ACSBG2: variants seen among roughly 807,000 people sequenced by gnomAD.
ACSBG2 encodes long-chain-fatty-acid--CoA ligase ACSBG2.
In ACSBG2, 62 loss-of-function variants were observed where a neutral mutation model predicts 74.7. That is an observed-to-expected ratio of 0.83 (90% CI 0.68 to 1.03). The LOEUF (loss-of-function observed/expected upper bound fraction) is 1.03. Ranked by LOEUF, ACSBG2 falls within the 50% of genes least tolerant of loss-of-function variation. ACSBG2 has a pLI of 0.00. For missense variants in ACSBG2, 730 were observed against 817.6 expected (o/e 0.89, Z 1.31); for synonymous variants, 309 against 294.1 (o/e 1.05, Z -0.52).
chr19:6,185,582 G>C lies in ACSBG2; in HGVS notation c.1469G>C (p.Gly490Ala), dbSNP rs745317349. 3.1e-6 allele frequency: 5 copies of C among 1,614,078 alleles called. No homozygotes were observed. The African/African-American group carries it at 6.7e-5, about 22-fold the overall frequency. ...ACTACAGAGGCCATCGATGATGAAG[G>C]CTGGCTACACTCTGGGGATCTGGGC... is the stretch of plus-strand genomic sequence containing the variant. ...TETTEAIDDEGWLHSGDLGQL... is the reference protein window; with the variant it reads ...TETTEAIDDEAWLHSGDLGQL... Residue 490 changes from glycine (G) to alanine (A), a missense_variant, in exon 11 of 15, where the codon GGC (glycine) becomes GCC (alanine). Gly to Ala is a moderately conservative substitution (Grantham distance 60, BLOSUM62 0). Transcript: ENST00000588485.
In ACSBG2 at chr19:6,182,210, T is replaced by A. The variant is rs200139285; in HGVS notation, c.907-541T>A. 1.4e-3 allele frequency among the ~76,000 whole-genome samples: 208 copies of A among 145,842 alleles called. No individual in the cohort carries two copies. The East Asian group carries it at 0.026, about 18-fold the overall frequency. On this transcript the variant is annotated intron_variant, in intron 8 of 14. Transcript: ENST00000588485. ...TAAAGTCAGCTTGTCAATTTGTATT[T>A]AAAAAAAAAAAAACTTGCCTAGATT... is the stretch of plus-strand genomic sequence containing the variant.
chr19:6,146,409 G>A lies in ACSBG2; in HGVS notation c.68-1037G>A, dbSNP rs184974113. ...CGCTTGAACCTGGGAGGTGTAGGTC[G>A]GGGTGAGCCAAGATCACGCCACTGC... is the stretch of plus-strand genomic sequence containing the variant. On this transcript the variant is annotated intron_variant, in intron 2 of 14. Transcript: ENST00000588485. 4.7e-5 allele frequency among the ~76,000 whole-genome samples: 7 copies of A among 148,350 alleles called. No individual in the cohort carries two copies. In the East Asian group the frequency reaches 1.0e-3, roughly 21 times the overall value.
At position 6,147,676 on chromosome 19, in the gene ACSBG2, G is replaced by A. The variant is rs755720445; in HGVS notation, c.297+1G>A. The A allele has an allele frequency of 1.2e-6, 2 of 1,611,252 alleles. No individual in the cohort carries two copies. The highest frequency in any genetic ancestry group is 1.7e-6 in the Non-Finnish European group (2 of 1,177,370). ...GAAGGCTGCAAAATCCTTGATCAAG[G>A]TAAGATTCATTCATTCATTCTCCTT... On this transcript the variant is annotated splice_donor_variant, in intron 3 of 14. Coordinates refer to ENST00000588485, the MANE Select transcript of ACSBG2 (RefSeq NM_030924.5). LOFTEE classifies it high-confidence loss of function.
chr19:6,191,218 G>A (rs920744741), intron 14 of ACSBG2: 1 of 152,266 alleles, frequency 6.6e-6, no homozygotes, highest in East Asian at 1.9e-4. Flanking sequence ...ATGACACCAT[G>A]AATCACTGAT....
chr19:6,187,710 C>A lies in ACSBG2; in HGVS notation c.1792C>A (p.Gln598Lys), dbSNP rs1370504899. 1 of 1,614,166 alleles carries A rather than the reference C, an allele frequency of 6.2e-7. No individual in the cohort carries two copies. The highest frequency in any genetic ancestry group is 1.7e-5 in the Admixed American group (1 of 60,016). The part of the protein sequence containing the change: ...QASTVTEIVK[Q>K]QDPLVYKAIQ... ...ATCCACCGTGACTGAGATTGTGAAG[C>A]AGCAAGACCCCCTGGTCTACAAGGC... Residue 598 changes from glutamine (Q) to lysine (K), a missense_variant, in exon 13 of 15, where the codon CAG becomes AAG. Transcript: ENST00000588485.
chr19:6,160,609 T>A (rs898155654), intron 5 of ACSBG2: 7 of 152,110 alleles, frequency 4.6e-5, no homozygotes, highest in African/African-American at 1.4e-4. Flanking sequence ...TTCTTTTAGC[T>A]CATCAACCAA....
rs191053316 is a variant in ACSBG2, at chr19:6,183,324, G to C, written c.1322+52G>C. On this transcript the variant is annotated intron_variant, in intron 10 of 14. Transcript: ENST00000588485. ...CTCCTCCCATAACATGGGGTCAAGA[G>C]GGGGAAGGTGGGTGGATAGATGGGC... is the stretch of plus-strand genomic sequence containing the variant. 3.1e-4 allele frequency: 464 copies of C among 1,521,044 alleles called. 1 individual carries two copies. The highest frequency in any genetic ancestry group is 1.1e-3 in the Middle Eastern group (6 of 5,670). 94.2% of individuals were successfully genotyped at this position (1,521,044 alleles called of 1,614,324 possible).
intron 4 of ACSBG2, among the ~76,000 whole-genome samples, chr19:6,153,703 C>A (rs1020200560): frequency 6.6e-6 from 1 of 151,978 alleles, no homozygotes; most frequent in Non-Finnish European, 1.5e-5. Context: ...TTAAAATTAG[C>A]CAGGCATGGT....
chr19:6,183,553 A>C (rs1296015194), intron 10 of ACSBG2, among the ~76,000 whole-genome samples: 1 of 152,050 alleles, frequency 6.6e-6, no homozygotes, highest in Non-Finnish European at 1.5e-5. Context: ...TGACCTCAGC[A>C]CCTTTCATCC....
chr19:6,161,409 G>A, intron 6 of ACSBG2, 114 bp downstream of exon 6: 1 of 964,304 alleles, frequency 1.0e-6, no homozygotes. Flanking sequence ...GGCAAGGGTG[G>A]GAACTCTCAA....
At chr19:6,169,189 T>C (rs759870917) in intron 7 of ACSBG2, among the ~76,000 whole-genome samples, 39 of 152,260 alleles carry the variant, frequency 2.6e-4, no homozygotes, top group Non-Finnish European at 5.0e-4. Flanking sequence ...TAAGTCCCAA[T>C]TGTCCATGTT....
At chr19:6,154,918 C>T (rs924368252) in intron 4 of ACSBG2, among the ~76,000 whole-genome samples, 1 of 152,140 alleles carries the variant, frequency 6.6e-6, no homozygotes, top group South Asian at 2.1e-4. Flanking sequence ...AAATTCAAAT[C>T]TTGGGTTGTC....
At chr19:6,189,688 G>A (rs1600143671) in intron 13 of ACSBG2, 3 of 151,868 alleles carry the variant, frequency 2.0e-5, no homozygotes, top group Admixed American at 6.6e-5. Flanking sequence ...GCCACCATGC[G>A]TGGCTATTTT....
chr19:6,156,545 C>T lies in ACSBG2; in HGVS notation c.501C>T (p.Ile167=). 1 of 1,574,590 alleles carries T rather than the reference C, an allele frequency of 6.4e-7. No homozygotes were observed. The highest frequency in any genetic ancestry group is 8.6e-7 in the Non-Finnish European group (1 of 1,158,326). Residue 167 remains isoleucine, a synonymous_variant, in exon 5 of 15, where the codon ATC becomes ATT. Transcript: ENST00000588485. The part of the protein sequence containing the change: ...LVENDQQLQK[I]LSIPQSSLEP... ...AGAATGATCAACAGTTACAGAAAAT[C>T]CTTTCGGTAAACCCCTACCCAGCAC...
intron 8 of ACSBG2, 25 bp from the exon 9 acceptor site, chr19:6,182,726 G>A (rs541714967): frequency 6.2e-7 from 1 of 1,608,734 alleles, no homozygotes; most frequent in Admixed American, 1.7e-5. Context: ...CCCTGCTGTG[G>A]CTAACCTAGC....
chr19:6,173,709 T>C (rs1259391156), intron 7 of ACSBG2, among the ~76,000 whole-genome samples: 3 of 152,166 alleles, frequency 2.0e-5, no homozygotes, highest in Non-Finnish European at 4.4e-5. Flanking sequence ...TTGATCTTCT[T>C]CCTGAAAACT....
At chr19:6,139,901 A>T in intron 1 of ACSBG2, among the ~76,000 whole-genome samples, 1 of 152,114 alleles carries the variant, frequency 6.6e-6, no homozygotes, top group South Asian at 2.1e-4. Flanking sequence ...CAACATGGAG[A>T]AACTCTGTCT....
intron 8 of ACSBG2, among the ~76,000 whole-genome samples, chr19:6,177,633 G>C (rs957105687): frequency 1.3e-5 from 2 of 152,138 alleles, no homozygotes; most frequent in Non-Finnish European, 2.9e-5. Context: ...TTGAGCTCAG[G>C]AGTTGAGACC....
chr19:6,151,461 C>T (rs951905561), intron 3 of ACSBG2, among the ~76,000 whole-genome samples: 3 of 152,072 alleles, frequency 2.0e-5, no homozygotes, highest in Non-Finnish European at 2.9e-5. Flanking sequence ...GTGTGTACCA[C>T]CATGCCCGGC....
Sources: gnomAD v4.1 joint callset for allele counts (sites outside exome capture counted in the v4.1 genomes callset) on GRCh38, gnomAD v4.1.1 for gene constraint, MANE v1.5 for transcripts, NCBI Gene and HGNC (gene_info 2026-07-23, HGNC 2026-07-21) for gene names.